Variants in MLYCD observed in about 807,000 individuals in gnomAD.
MLYCD encodes the protein malonyl-CoA decarboxylase.
In MLYCD, 27 loss-of-function variants were observed where a neutral mutation model predicts 35.8. That is an observed-to-expected ratio of 0.75 (90% CI 0.56 to 1.04). The LOEUF is 1.04. MLYCD is among the 50% of genes least tolerant of loss of function. MLYCD has a pLI of 0.00. For missense variants in MLYCD, 917 were observed against 665.1 expected (o/e 1.38, Z -4.17); for synonymous variants, 403 against 302.4 (o/e 1.33, Z -3.45).
chr16:83,899,345 G>T lies in MLYCD; in HGVS notation c.201G>T (p.Gln67His). 6.6e-7 allele frequency: 1 copy of T among 1,521,018 alleles called. No individual in the cohort carries two copies. Among genetic ancestry groups the T allele is most frequent in the Non-Finnish European group, 8.8e-7 (1 of 1,142,798 alleles). The allele number at this position is 1,521,018 out of a possible 1,614,324, so 94.2% of individuals were successfully genotyped here. ...AGACACCGGCGCCCGCCGAGGGTCAGTGCGCGGACTTCGTGAGCTTCTACG... is the reference window on the plus strand; with the variant it reads ...AGACACCGGCGCCCGCCGAGGGTCATTGCGCGGACTTCGTGAGCTTCTACG... ...REKTPAPAEGQCADFVSFYGG... is the reference protein window; with the variant it reads ...REKTPAPAEGHCADFVSFYGG... Residue 67 changes from glutamine to histidine, a missense_variant, in exon 1 of 5, where the codon CAG becomes CAT. By Grantham distance (24) the Gln-to-His change is conservative (BLOSUM62 0). Coordinates refer to ENST00000262430, the MANE Select transcript of MLYCD (RefSeq NM_012213.3).
At position 83,899,179 on chromosome 16, in the gene MLYCD, G is replaced by A. The variant is rs1348615478; in HGVS notation, c.35G>A (p.Arg12His). Residue 12 changes from arginine to histidine, a missense_variant, in exon 1 of 5, where the codon CGT becomes CAT. Physicochemically the swap from Arg to His is conservative, Grantham distance 29 (BLOSUM62 0). Transcript: ENST00000262430. ...TTCGGGCCAGGCTTGACGGCCAGGCGTCTCCTCCCGCTGCGGTTGCCCCCG... is the reference window on the plus strand; with the variant it reads ...TTCGGGCCAGGCTTGACGGCCAGGCATCTCCTCCCGCTGCGGTTGCCCCCG... ...RGFGPGLTARRLLPLRLPPRP... is the reference protein window; with the variant it reads ...RGFGPGLTARHLLPLRLPPRP... 1.7e-6 allele frequency: 2 copies of A among 1,169,234 alleles called. No homozygotes were observed. Among genetic ancestry groups the A allele is most frequent in the Non-Finnish European group, 2.1e-6 (2 of 951,294 alleles). The allele number at this position is 1,169,234 out of a possible 1,614,324, so 72.4% of individuals were successfully genotyped here.
intron 4 of MLYCD, chr16:83,914,518 C>G (rs1242690877): frequency 1.0e-5 from 3 of 289,296 alleles, no homozygotes; most frequent in Non-Finnish European, 2.0e-5. Flanking sequence ...CCCCAACACT[C>G]TAGTCTCGGT....
chr16:83,901,012 T>A (rs1906766026), intron 1 of MLYCD, among the ~76,000 whole-genome samples: 1 of 152,176 alleles, frequency 6.6e-6, no homozygotes, highest in South Asian at 2.1e-4. Flanking sequence ...CTTAGATGCA[T>A]AAAATTGGGC....
intron 4 of MLYCD, 77 bp from the exon 5 acceptor site, chr16:83,914,879 G>T (rs1030281590): frequency 5.8e-5 from 92 of 1,593,488 alleles, no homozygotes; most frequent in Non-Finnish European, 7.7e-5. Context: ...AGGTTAAGAG[G>T]TGCTCCTCTG....
At chr16:83,903,293 T>C (rs1906863267) in intron 1 of MLYCD, among the ~76,000 whole-genome samples, 1 of 152,214 alleles carries the variant, frequency 6.6e-6, no homozygotes, top group Non-Finnish European at 1.5e-5. Flanking sequence ...CTCTGCCTTT[T>C]AGTTAATTGA....
rs750983113 is a variant in MLYCD, at chr16:83,917,715, G to A, written c.*2226G>A. The A allele has an allele frequency of 6.6e-6, 1 of 152,256 alleles. No individual in the cohort carries two copies. Among genetic ancestry groups the A allele is most frequent in the Non-Finnish European group, 1.5e-5 (1 of 68,060 alleles). 9.4% of individuals were successfully genotyped at this position (152,256 alleles called of 1,614,324 possible). ...GCGTCCCCAGACCCTCAGGCCTGCGGAAACCTGCTGGGCCTTACCGTCTTT... is the reference window on the plus strand; with the variant it reads ...GCGTCCCCAGACCCTCAGGCCTGCGAAAACCTGCTGGGCCTTACCGTCTTT... On this transcript the variant is annotated 3_prime_UTR_variant, in exon 5 of 5. Transcript: ENST00000262430.
chr16:83,911,543 G>T (rs886374077), intron 3 of MLYCD: 1 of 153,936 alleles, frequency 6.5e-6, no homozygotes, highest in South Asian at 2.0e-4. Context: ...AAACGCTGCC[G>T]TGAGAATGAG....
At chr16:83,905,891 C>T (rs981840892) in intron 1 of MLYCD, among the ~76,000 whole-genome samples, 24 of 152,242 alleles carry the variant, frequency 1.6e-4, no homozygotes, top group African/African-American at 5.8e-4. Flanking sequence ...GACGCTGCTC[C>T]TGCTCAGGGC....
At chr16:83,907,187 T>C in intron 2 of MLYCD, 88 bp downstream of exon 2, 1 of 1,111,962 alleles carries the variant, frequency 9.0e-7, no homozygotes, top group Non-Finnish European at 1.4e-6. Context: ...CTAATCTATC[T>C]CCATTCATAT....
rs1207539636 is a variant in MLYCD at position 83,899,309 on chromosome 16, G to A, written c.165G>A (p.Glu55=). The A allele has an allele frequency of 1.3e-6, 2 of 1,491,338 alleles. No homozygotes were observed. Among genetic ancestry groups the A allele is most frequent in the Non-Finnish European group, 1.8e-6 (2 of 1,127,314 alleles). The allele number at this position is 1,491,338 out of a possible 1,614,324, so 92.4% of individuals were successfully genotyped here. A position where few individuals can be genotyped will look rare whatever the true frequency, so the allele number is the denominator to read the frequency against. The change falls in exon 1 of 5, where the codon GAG becomes GAA. Residue 55 remains glutamate (E), a synonymous_variant. Transcript: ENST00000262430. ...CGGTGCCGCCGACGCCGGCCTACGAGCTGCGCGAGAAGACACCGGCGCCCG... is the reference window on the plus strand; with the variant it reads ...CGGTGCCGCCGACGCCGGCCTACGAACTGCGCGAGAAGACACCGGCGCCCG... The part of the protein sequence containing the change: ...RRAVPPTPAY[E]LREKTPAPAE...
chr16:83,912,825 T>C (rs1907228638), intron 4 of MLYCD: 1 of 271,102 alleles, frequency 3.7e-6, no homozygotes, highest in Admixed American at 4.9e-5. Context: ...GCTTGGGCCT[T>C]CTCATGGCCT....
At position 83,919,299 on chromosome 16, in the gene MLYCD, A is replaced by C. The variant is rs1907560297; in HGVS notation, c.*3810A>C. On this transcript the variant is annotated 3_prime_UTR_variant, in exon 5 of 5. Transcript: ENST00000262430. ...ACACATGGTGCACAGCAGAATTCACACAGTGCACAGGAGAACACACACAGT... is the reference window on the plus strand; with the variant it reads ...ACACATGGTGCACAGCAGAATTCACCCAGTGCACAGGAGAACACACACAGT... 1 of 151,400 alleles carries C rather than the reference A, an allele frequency of 6.6e-6. No homozygotes were observed. Among genetic ancestry groups the C allele is most frequent in the African/African-American group, 2.4e-5 (1 of 40,972 alleles). 9.4% of individuals were successfully genotyped at this position (151,400 alleles called of 1,614,324 possible).
Position 83,912,431 on chromosome 16 carries a change from G to C in MLYCD, c.948+64G>C, listed in dbSNP as rs551515921. ...CCGTGTGGTCAGGTCAGCGAACCTC[G>C]TGGGGTGTCAGGTGCCATGAGGGAC... On this transcript the variant is annotated intron_variant, in intron 4 of 4. Coordinates refer to ENST00000262430, the MANE Select transcript of MLYCD (RefSeq NM_012213.3). 7.1e-5 allele frequency: 113 copies of C among 1,602,666 alleles called. 1 individual carries two copies. In the South Asian group the frequency reaches 1.2e-3, roughly 16 times the overall value.
At position 83,916,436 on chromosome 16, in the gene MLYCD, G is replaced by C. The variant is rs1259468950; in HGVS notation, c.*947G>C. Reference sequence around the variant, plus strand: ...TGGATCAGTGCACGTCTGTGCGTGTGCACGAGCGTCTGTGGATCAGTGCAC... The same window carrying C: ...TGGATCAGTGCACGTCTGTGCGTGTCCACGAGCGTCTGTGGATCAGTGCAC... On this transcript the variant is annotated 3_prime_UTR_variant, in exon 5 of 5. Transcript: ENST00000262430. 6.5e-6 allele frequency: 1 copy of C among 153,752 alleles called. No homozygotes were observed. Among genetic ancestry groups the C allele is most frequent in the East Asian group, 2.0e-4 (1 of 5,116 alleles). The allele number at this position is 153,752 out of a possible 1,614,324, so 9.5% of individuals were successfully genotyped here.
Position 83,923,756 on chromosome 16 carries a change from C to G in MLYCD, c.*8267C>G, listed in dbSNP as rs569321708. 6.6e-6 allele frequency: 1 copy of G among 152,436 alleles called. No individual in the cohort carries two copies. Among genetic ancestry groups the G allele is most frequent in the East Asian group, 1.9e-4 (1 of 5,184 alleles). 9.4% of individuals were successfully genotyped at this position (152,436 alleles called of 1,614,324 possible). On this transcript the variant is annotated 3_prime_UTR_variant, in exon 5 of 5. Transcript: ENST00000262430. ...CCAGGCCCGACCACCACCCAGCTCTCCTTCCACCGCACTGGTCCACCTCCT... is the reference window on the plus strand; with the variant it reads ...CCAGGCCCGACCACCACCCAGCTCTGCTTCCACCGCACTGGTCCACCTCCT...
chr16:83,915,952 C>T lies in MLYCD; in HGVS notation c.*463C>T. The stretch of plus-strand genomic sequence containing the variant: ...GTTGCTTTAGCCGTTTCTCACCATG[C>T]AATGCAGAGGGACAAAGGGCTGTGC... On this transcript the variant is annotated 3_prime_UTR_variant, in exon 5 of 5. Coordinates refer to ENST00000262430, the MANE Select transcript of MLYCD (RefSeq NM_012213.3). 1.7e-5 allele frequency: 18 copies of T among 1,063,014 alleles called. No individual in the cohort carries two copies. Among genetic ancestry groups the T allele is most frequent in the Non-Finnish European group, 1.9e-5 (17 of 875,812 alleles). The allele number at this position is 1,063,014 out of a possible 1,614,324, so 65.8% of individuals were successfully genotyped here.
At chr16:83,911,685 G>T (rs77354326) in intron 3 of MLYCD, 3,517 of 158,308 alleles carry the variant, frequency 0.022, 145 homozygotes, top group African/African-American at 0.082. Flanking sequence ...AAAGGTACAT[G>T]AAAAAGTCAA....
rs1356380227 is a variant in MLYCD, at chr16:83,921,734, A to C, written c.*6245A>C. ...ACCTCTAGAAAGGCAGGTGGCTTCCAGCTCCTCGCTTTTCCTGAGGGATGA... is the reference window on the plus strand; with the variant it reads ...ACCTCTAGAAAGGCAGGTGGCTTCCCGCTCCTCGCTTTTCCTGAGGGATGA... On this transcript the variant is annotated 3_prime_UTR_variant, in exon 5 of 5. Transcript: ENST00000262430. The C allele has an allele frequency of 1.3e-5, 2 of 152,206 alleles. No individual in the cohort carries two copies. The highest frequency in any genetic ancestry group is 1.5e-5 in the Non-Finnish European group (1 of 68,034). 9.4% of individuals were successfully genotyped at this position (152,206 alleles called of 1,614,324 possible).
chr16:83,920,676 C>G lies in MLYCD; in HGVS notation c.*5187C>G, dbSNP rs1289450675. 6.6e-6 allele frequency: 1 copy of G among 152,222 alleles called. No individual in the cohort carries two copies. The highest frequency in any genetic ancestry group is 2.4e-5 in the African/African-American group (1 of 41,448). The allele number at this position is 152,222 out of a possible 1,614,324, so 9.4% of individuals were successfully genotyped here. On this transcript the variant is annotated 3_prime_UTR_variant, in exon 5 of 5. Transcript: ENST00000262430. ...GCAGGCGTGTCCGAGACTGCAACTC[C>G]TAGTTCCCACCTTTCACACCTCATC...
Sources: allele counts gnomAD v4.1 joint callset (sites outside exome capture counted in the v4.1 genomes callset), GRCh38; gene constraint gnomAD v4.1.1; transcripts MANE v1.5; gene names NCBI Gene and HGNC (gene_info 2026-07-23, HGNC 2026-07-21).